OSBP2: variants seen among roughly 807,000 people sequenced by gnomAD.
OSBP2 encodes the protein oxysterol-binding protein 2.
In OSBP2, 66 loss-of-function variants were observed where a neutral mutation model predicts 96.0. The ratio of observed to expected loss-of-function variants is 0.69; its 90% CI spans 0.56 to 0.84. The LOEUF (loss-of-function observed/expected upper bound fraction) is 0.84, where lower values mean the gene tolerates loss of function less well. Ranked by LOEUF, OSBP2 falls within the 40% of genes least tolerant of loss-of-function variation. The pLI, the probability that OSBP2 is intolerant of heterozygous loss-of-function variation, is 0.00. For synonymous variants in OSBP2, 525 were observed against 520.9 expected (o/e 1.01, Z -0.11); for missense variants, 1,038 against 1,222.7 (o/e 0.85, Z 2.25).
upstream of OSBP2, chr22:30,693,804 T>C: frequency 4.9e-6 from 2 of 405,706 alleles, no homozygotes; most frequent in Non-Finnish European, 9.2e-6. Flanking sequence ...CCGTTTCTAC[T>C]AAAAATACAA....
At chr22:30,731,676 A>G (rs2089781205) in intron 1 of OSBP2, 1 of 154,614 alleles carries the variant, frequency 6.5e-6, no homozygotes, top group South Asian at 2.0e-4. Flanking sequence ...CAATGTGGGA[A>G]TCTCCGTTTT....
intron 2 of OSBP2, among the ~76,000 whole-genome samples, chr22:30,788,439 CTCAG>C (rs1398909002): frequency 6.6e-6 from 1 of 152,162 alleles, no homozygotes; most frequent in African/African-American, 2.4e-5. Flanking sequence ...ACTCAGAGCC[CTCAG>C]TCAAACAGCC....
chr22:30,827,362 C>T (rs960828646), intron 2 of OSBP2, among the ~76,000 whole-genome samples: 3 of 152,132 alleles, frequency 2.0e-5, no homozygotes, highest in African/African-American at 4.8e-5. Context: ...CACTGTGAAG[C>T]GGTACCTTCT....
At position 30,770,584 on chromosome 22, in the gene OSBP2, G is replaced by T. The variant is rs189284083; in HGVS notation, c.853+29215G>T. 912 of 152,308 alleles carry T rather than the reference G, an allele frequency of 6.0e-3. 5 individuals are homozygous for T. Among genetic ancestry groups the T allele is most frequent in the Non-Finnish European group, 9.4e-3 (640 of 68,036 alleles). 9.4% of individuals were successfully genotyped at this position (152,308 alleles called of 1,614,324 possible). A position where few individuals can be genotyped will look rare whatever the true frequency, so the allele number is the denominator to read the frequency against. On this transcript the variant is annotated intron_variant, in intron 2 of 13. Coordinates refer to ENST00000332585, the MANE Select transcript of OSBP2 (RefSeq NM_030758.4). ...ATTTTTTCATGGTTTTCTATCCAGG[G>T]TCAACTGGTGGCAGGGAACAAAACC...
chr22:30,884,717 G>A (rs2039774140), intron 3 of OSBP2, among the ~76,000 whole-genome samples: 1 of 152,074 alleles, frequency 6.6e-6, no homozygotes, highest in Non-Finnish European at 1.5e-5. Flanking sequence ...CAGGCAGGGT[G>A]CCCCAGTGCA....
At chr22:30,818,121 C>T (rs969908240) in intron 2 of OSBP2, among the ~76,000 whole-genome samples, 5 of 152,168 alleles carry the variant, frequency 3.3e-5, no homozygotes, top group Admixed American at 1.3e-4. Flanking sequence ...TGGCCTCAAA[C>T]TCCTAGGCTC....
At position 30,717,093 on chromosome 22, in the gene OSBP2, TGTG is replaced by T. The variant is rs1569094599; in HGVS notation, c.644+21541_644+21543del. Reference sequence around the variant, plus strand: ...TTTTGTTTTAATTTTACTGTTTTTGTGTGTGTGTGTGTGTGTGTGTGTGTGTGT... The same window carrying T: ...TTTTGTTTTAATTTTACTGTTTTTGTTGTGTGTGTGTGTGTGTGTGTGTGT... On this transcript the variant is annotated intron_variant, in intron 1 of 13. Coordinates refer to ENST00000332585, the MANE Select transcript of OSBP2 (RefSeq NM_030758.4). Among the ~76,000 whole-genome samples the T allele has an allele frequency of 8.8e-3, 951 of 107,772 alleles. 51 individuals carry two copies. Among genetic ancestry groups the T allele is most frequent in the African/African-American group, 0.031 (823 of 26,478 alleles). 70.7% of individuals were successfully genotyped at this position (107,772 alleles called of 152,430 possible).
chr22:30,879,863 C>G (rs934758872), intron 3 of OSBP2, among the ~76,000 whole-genome samples: 2 of 152,124 alleles, frequency 1.3e-5, no homozygotes, highest in African/African-American at 4.8e-5. Context: ...ACCAGCCTGG[C>G]CAACATAGTG....
chr22:30,872,502 C>G, intron 3 of OSBP2: 1 of 391,474 alleles, frequency 2.6e-6, no homozygotes, highest in South Asian at 1.9e-5. Context: ...GTTTAAGTGC[C>G]TAATGAATTG....
chr22:30,697,389 C>T (rs1413529669), intron 1 of OSBP2, among the ~76,000 whole-genome samples: 2 of 152,190 alleles, frequency 1.3e-5, no homozygotes, highest in African/African-American at 4.8e-5. Context: ...AGCAGTTCTC[C>T]TGCCTCAGTC....
intron 2 of OSBP2, among the ~76,000 whole-genome samples, chr22:30,755,846 G>A (rs2090133236): frequency 6.6e-6 from 1 of 152,144 alleles, no homozygotes; most frequent in African/African-American, 2.4e-5. Context: ...CTGGTGTCTT[G>A]GTGCCTCTGC....
Position 30,870,819 on chromosome 22 carries a change from C to T in OSBP2, c.1107+137C>T. On this transcript the variant is annotated intron_variant, in intron 3 of 13. Transcript: ENST00000332585. This position sits in a 1 kb window ranked among gnomAD's most constrained non-coding sequence, Gnocchi z 4.1. ...TCCACGGTGTTTCCCAAAGCCAGCG[C>T]CCCCCAGCTAGCTTCCGAGTTCTTA... 1.1e-6 allele frequency: 1 copy of T among 875,342 alleles called. No individual in the cohort carries two copies. Among genetic ancestry groups the T allele is most frequent in the Non-Finnish European group, 1.7e-6 (1 of 580,252 alleles). 54.2% of individuals were successfully genotyped at this position (875,342 alleles called of 1,614,324 possible).
chr22:30,727,793 C>T (rs181292928), intron 1 of OSBP2, among the ~76,000 whole-genome samples: 14 of 152,188 alleles, frequency 9.2e-5, no homozygotes, highest in Admixed American at 4.6e-4. Flanking sequence ...AAAACCACTA[C>T]GCCTATGAAG....
rs755342724 is a variant in OSBP2 at position 30,888,260 on chromosome 22, A to AGAT, written c.1341_1343dup (p.Asp447dup). On this transcript the variant is annotated inframe_insertion, in exon 5 of 14. Transcript: ENST00000332585. ...CTCCCAAAGGAGAGGACAGTGAGGA[A>AGAT]GATGAAGATACCGAGTACTTTGATG... 1.1e-5 allele frequency: 18 copies of AGAT among 1,613,276 alleles called. No homozygotes were observed. The highest frequency in any genetic ancestry group is 9.3e-6 in the Non-Finnish European group (11 of 1,179,356).
intron 1 of OSBP2, among the ~76,000 whole-genome samples, chr22:30,717,090 T>TGTG (rs1555907469): frequency 7.9e-4 from 93 of 118,412 alleles, no homozygotes; most frequent in Admixed American, 5.3e-3. Flanking sequence ...TTTACTGTTT[T>TGTG]TGTGTGTGTG....
chr22:30,823,715 T>C (rs955409965), intron 2 of OSBP2, among the ~76,000 whole-genome samples: 1 of 152,224 alleles, frequency 6.6e-6, no homozygotes, highest in Non-Finnish European at 1.5e-5. Context: ...TTAGGGTGTG[T>C]GCAGTTGTAA....
At chr22:30,862,845 C>T (rs1378066587) in intron 2 of OSBP2, among the ~76,000 whole-genome samples, 57 of 139,584 alleles carry the variant, frequency 4.1e-4, no homozygotes, top group African/African-American at 1.5e-3. Flanking sequence ...TGGTGGCGGG[C>T]GCCTGTAATC....
At chr22:30,828,748 C>A (rs1269495095) in intron 2 of OSBP2, among the ~76,000 whole-genome samples, 3 of 152,132 alleles carry the variant, frequency 2.0e-5, no homozygotes, top group African/African-American at 7.2e-5. Context: ...GGCAGGCCTA[C>A]AGGTAGAGAG....
intron 12 of OSBP2, chr22:30,902,356 T>C: frequency 1.3e-6 from 2 of 1,582,176 alleles, no homozygotes; most frequent in South Asian, 2.2e-5. Flanking sequence ...GATTCTGCTA[T>C]ATAGAATTCG....
Sources: allele counts gnomAD v4.1 joint callset (sites outside exome capture counted in the v4.1 genomes callset), GRCh38; gene constraint gnomAD v4.1.1; non-coding constraint Gnocchi (gnomAD v3.1); transcripts MANE v1.5; gene names NCBI Gene and HGNC (gene_info 2026-07-23, HGNC 2026-07-21).